SLC12A1: variants seen among roughly 807,000 people sequenced by gnomAD.
The protein encoded by SLC12A1 is Na-K-2Cl cotransporter.
Under a neutral mutation model 130.4 loss-of-function variants are expected in SLC12A1, and 89 were observed. The observed-to-expected ratio is 0.68, with a 90% CI of 0.58 to 0.81. The LOEUF is 0.81. SLC12A1 is among the 40% of genes least tolerant of loss of function. The probability of loss-of-function intolerance (pLI) is 0.00; values close to 1 mark genes in which losing one functional copy is unlikely to be tolerated. For synonymous variants in SLC12A1, 499 were observed against 460.0 expected, an observed-to-expected ratio of 1.08 and a Z score of -1.09; for missense variants, 1,310 against 1,336.4, an observed-to-expected ratio of 0.98 and a Z score of 0.31.
rs1309451069 is a variant in SLC12A1 at position 48,251,650 on chromosome 15, G to A, written c.1822G>A (p.Val608Ile). ...RPAYGIYNMW[V>I]SLFGAVLCCA... ...TGCGTATGGAATTTACAACATGTGG[G>A]TATCTCTTTTTGGAGCTGTTTTGTG... Residue 608 changes from valine to isoleucine, a missense_variant, in exon 15 of 27, where the codon GTA becomes ATA. Physicochemically the swap from Val to Ile is conservative, Grantham distance 29. Coordinates refer to ENST00000380993, the MANE Select transcript of SLC12A1 (RefSeq NM_000338.3). The A allele has an allele frequency of 2.5e-6, 4 of 1,613,594 alleles. No individual in the cohort carries two copies. The African/African-American group carries it at 4.0e-5, about 16-fold the overall frequency.
chr15:48,234,730 G>A (rs1266325382), intron 8 of SLC12A1, 147 bp from the exon 9 acceptor site: 4 of 672,300 alleles, frequency 5.9e-6, no homozygotes, highest in Admixed American at 5.6e-5. Context: ...TCCAGCCTGG[G>A]CAACAGAGTG....
chr15:48,303,044 G>C lies in SLC12A1; in HGVS notation c.*159G>C. ...TTGCATAATTTTTATCAGTTAATGCGAGCTTTTTTTTCTCTTCTCAGCTTA... is the reference window on the plus strand; with the variant it reads ...TTGCATAATTTTTATCAGTTAATGCCAGCTTTTTTTTCTCTTCTCAGCTTA... On this transcript the variant is annotated 3_prime_UTR_variant, in exon 27 of 27. Transcript: ENST00000380993. 1 of 532,230 alleles carries C rather than the reference G, an allele frequency of 1.9e-6. No homozygotes were observed. The highest frequency in any genetic ancestry group is 3.8e-5 in the Admixed American group (1 of 26,548). The allele number at this position is 532,230 out of a possible 1,614,324, so 33.0% of individuals were successfully genotyped here. A position where few individuals can be genotyped will look rare whatever the true frequency, so the allele number is the denominator to read the frequency against.
chr15:48,240,346 T>C (rs1448033756), intron 9 of SLC12A1, among the ~76,000 whole-genome samples: 1 of 151,554 alleles, frequency 6.6e-6, no homozygotes, highest in Non-Finnish European at 1.5e-5. Context: ...ACGACGACAA[T>C]AGTTTGGAAG....
chr15:48,269,181 T>C (rs902473643), intron 18 of SLC12A1, among the ~76,000 whole-genome samples: 4 of 152,236 alleles, frequency 2.6e-5, no homozygotes, highest in Non-Finnish European at 4.4e-5. Flanking sequence ...AATTAGGTTT[T>C]GGAAACATAA....
intron 9 of SLC12A1, among the ~76,000 whole-genome samples, chr15:48,240,500 T>C (rs1183006316): frequency 6.6e-6 from 1 of 152,204 alleles, no homozygotes; most frequent in African/African-American, 2.4e-5. Flanking sequence ...CAGTTGTGAC[T>C]TCCAGTCATC....
At chr15:48,279,258 T>C (rs2041986467) in intron 20 of SLC12A1, among the ~76,000 whole-genome samples, 1 of 152,228 alleles carries the variant, frequency 6.6e-6, no homozygotes, top group East Asian at 1.9e-4. Flanking sequence ...ATGCTGTAAT[T>C]CAGGGCCTAA....
intron 11 of SLC12A1, among the ~76,000 whole-genome samples, chr15:48,246,555 C>A (rs368103837): frequency 6.6e-6 from 1 of 152,072 alleles, no homozygotes; most frequent in African/African-American, 2.4e-5. Flanking sequence ...CTGAGGTGGG[C>A]GGATCACTTG....
At chr15:48,263,785 C>G (rs2041801467) in intron 17 of SLC12A1, among the ~76,000 whole-genome samples, 1 of 152,052 alleles carries the variant, frequency 6.6e-6, no homozygotes, top group South Asian at 2.1e-4. Context: ...CTTGAGCTCC[C>G]AGGCTCAAGC....
chr15:48,300,277 C>T (rs765647213), intron 25 of SLC12A1, among the ~76,000 whole-genome samples: 5 of 151,014 alleles, frequency 3.3e-5, no homozygotes, highest in Admixed American at 1.3e-4. Flanking sequence ...GTGAGCTGAG[C>T]TCGTGCCACT....
intron 10 of SLC12A1, 53 bp from the exon 11 acceptor site, chr15:48,244,700 C>A (rs2041557347): frequency 6.3e-7 from 1 of 1,589,974 alleles, no homozygotes; most frequent in Non-Finnish European, 8.6e-7. Flanking sequence ...AGTAGAAAAC[C>A]GTAAGGGACC....
intron 15 of SLC12A1, 85 bp from the exon 16 acceptor site, chr15:48,255,726 T>C (rs576754742): frequency 1.9e-5 from 16 of 851,232 alleles, no homozygotes; most frequent in Middle Eastern, 2.3e-4. Flanking sequence ...AGGAAAATCA[T>C]AGAAGGGAAT....
intron 21 of SLC12A1, among the ~76,000 whole-genome samples, chr15:48,286,497 A>G (rs2042061792): frequency 1.3e-5 from 2 of 152,202 alleles, no homozygotes; most frequent in South Asian, 4.1e-4. Context: ...AATCCATTAA[A>G]TCTGCTCTAT....
intron 23 of SLC12A1, among the ~76,000 whole-genome samples, chr15:48,291,018 G>A (rs1228500923): frequency 1.3e-5 from 2 of 151,688 alleles, no homozygotes; most frequent in African/African-American, 4.8e-5. Flanking sequence ...AAAATTTAGG[G>A]GTAAAGGTGC....
intron 18 of SLC12A1, among the ~76,000 whole-genome samples, chr15:48,268,525 C>T (rs985683301): frequency 3.3e-5 from 5 of 152,104 alleles, no homozygotes; most frequent in African/African-American, 1.2e-4. Flanking sequence ...GATGCGCATG[C>T]AGGCAGGAAA....
Position 48,246,938 on chromosome 15 carries a change from C to T in SLC12A1, c.1482C>T (p.Pro494=), listed in dbSNP as rs747363549. 1.2e-5 allele frequency: 19 copies of T among 1,613,836 alleles called. No homozygotes were observed. In the South Asian group the frequency reaches 1.6e-4, roughly 14 times the overall value. The change falls in exon 12 of 27, where the codon CCC becomes CCT. Residue 494 remains proline, a synonymous_variant. Coordinates refer to ENST00000380993, the MANE Select transcript of SLC12A1 (RefSeq NM_000338.3). ...TGAGCATGGTATCAGGGTTCGGCCCCCTCATCACTGCGGGAATCTTTTCTG... is the reference window on the plus strand; with the variant it reads ...TGAGCATGGTATCAGGGTTCGGCCCTCTCATCACTGCGGGAATCTTTTCTG... ...QVMSMVSGFG[P]LITAGIFSAT... is the part of the protein sequence containing the mutation.
At chr15:48,281,311 G>A (rs1029680719) in intron 20 of SLC12A1, among the ~76,000 whole-genome samples, 1 of 152,172 alleles carries the variant, frequency 6.6e-6, no homozygotes, top group African/African-American at 2.4e-5. Flanking sequence ...AATAAATGTT[G>A]GTGATGAAAA....
chr15:48,257,985 A>C (rs938112939), intron 16 of SLC12A1, among the ~76,000 whole-genome samples: 1 of 152,122 alleles, frequency 6.6e-6, no homozygotes, highest in Non-Finnish European at 1.5e-5. Flanking sequence ...TCTGCCAGAT[A>C]CCTAAATCAT....
intron 11 of SLC12A1, 116 bp from the exon 12 acceptor site, chr15:48,246,793 A>ACAACAT (rs111230891): frequency 1.2e-6 from 1 of 821,046 alleles, no homozygotes; most frequent in African/African-American, 1.7e-5. Context: ...AACAACAACA[A>ACAACAT]CAAGAAAAGG....
At chr15:48,241,472 AT>A in intron 9 of SLC12A1, 42 bp from the exon 10 acceptor site, 3 of 1,416,150 alleles carry the variant, frequency 2.1e-6, no homozygotes, top group Non-Finnish European at 3.0e-6. Context: ...TATGGTTCTT[AT>A]TCTGCTCTGT....
Sources: gnomAD v4.1 joint callset for allele counts (sites outside exome capture counted in the v4.1 genomes callset) on GRCh38, gnomAD v4.1.1 for gene constraint, MANE v1.5 for transcripts, NCBI Gene and HGNC (gene_info 2026-07-23, HGNC 2026-07-21) for gene names.